PTPRM: variants seen among roughly 807,000 people sequenced by gnomAD.
PTPRM encodes protein tyrosine phosphatase receptor type M.
A neutral mutation model predicts 186.7 loss-of-function variants in PTPRM; 47 were observed. The ratio of observed to expected loss-of-function variants is 0.25; its 90% CI spans 0.20 to 0.32. The LOEUF (loss-of-function observed/expected upper bound fraction) is 0.32, where lower values mean the gene tolerates loss of function less well. Among genes scored for constraint, PTPRM ranks in the 10% least tolerant of loss-of-function variants. The pLI, the probability that PTPRM is intolerant of heterozygous loss-of-function variation, is 1.00. For synonymous variants in PTPRM, 668 were observed against 674.9 expected (o/e 0.99, Z 0.16); for missense variants, 1,494 against 1,865.0 (o/e 0.80, Z 3.66).
intron 19 of PTPRM, among the ~76,000 whole-genome samples, chr18:8,277,110 T>C (rs1474660149): frequency 3.9e-5 from 6 of 152,182 alleles, no homozygotes; most frequent in Admixed American, 3.9e-4. Flanking sequence ...CTAATTTTTC[T>C]ATTTTTAGTA....
At chr18:8,076,898 T>G (rs945364794) in intron 9 of PTPRM, among the ~76,000 whole-genome samples, 3 of 152,202 alleles carry the variant, frequency 2.0e-5, no homozygotes, top group Non-Finnish European at 4.4e-5. Context: ...CAGAATTCTA[T>G]TCTTGCTTAG....
chr18:8,221,469 A>G (rs1410249653), intron 14 of PTPRM, among the ~76,000 whole-genome samples: 1 of 152,246 alleles, frequency 6.6e-6, no homozygotes, highest in Non-Finnish European at 1.5e-5. Flanking sequence ...AGGAAAAATG[A>G]TTAGTGAATC....
rs533748333 is a variant in PTPRM at position 7,725,737 on chromosome 18, C to T, written c.74-48412C>T. Reference sequence around the variant, plus strand: ...ACTCCAAGGGAACATTACCTTCCTGCCCTGTCCCTTTTTCATCTCCCCTTC... The same window carrying T: ...ACTCCAAGGGAACATTACCTTCCTGTCCTGTCCCTTTTTCATCTCCCCTTC... On this transcript the variant is annotated intron_variant, in intron 1 of 32. Coordinates refer to ENST00000580170, the MANE Select transcript of PTPRM (RefSeq NM_001105244.2). Among the ~76,000 whole-genome samples the T allele has an allele frequency of 2.0e-5, 3 of 152,200 alleles. No individual in the cohort carries two copies. The South Asian group carries it at 6.2e-4, about 32-fold the overall frequency.
In PTPRM at chr18:7,568,736, A is replaced by G. The variant is rs1019458708; in HGVS notation, c.73+845A>G. On this transcript the variant is annotated intron_variant, in intron 1 of 32. Transcript: ENST00000580170. This position sits in a 1 kb window ranked among gnomAD's most constrained non-coding sequence, Gnocchi z 5.1. Reference sequence around the variant, plus strand: ...TGAGTGTGTGCGCGTGTGTGCCTGCACGCGCGCGCGGGGGCGTTCTAAGCC... The same window carrying G: ...TGAGTGTGTGCGCGTGTGTGCCTGCGCGCGCGCGCGGGGGCGTTCTAAGCC... Among the ~76,000 whole-genome samples the G allele has an allele frequency of 4.6e-5, 7 of 152,108 alleles. No individual in the cohort carries two copies. The highest frequency in any genetic ancestry group is 1.7e-4 in the African/African-American group (7 of 41,436).
chr18:8,243,146 T>G (rs2147287467), intron 14 of PTPRM, among the ~76,000 whole-genome samples: 1 of 152,334 alleles, frequency 6.6e-6, no homozygotes, highest in Middle Eastern at 3.4e-3. Context: ...TTAGTTTCCC[T>G]TTAAGTCTTC....
intron 1 of PTPRM, among the ~76,000 whole-genome samples, chr18:7,595,679 C>G (rs936889628): frequency 1.3e-5 from 2 of 152,184 alleles, no homozygotes; most frequent in South Asian, 4.1e-4. Flanking sequence ...AGTAATGTTA[C>G]TCTATCTGCA....
intron 7 of PTPRM, among the ~76,000 whole-genome samples, chr18:8,024,619 ATC>A (rs1246942741): frequency 6.6e-6 from 1 of 151,292 alleles, no homozygotes; most frequent in Non-Finnish European, 1.5e-5. Flanking sequence ...GTTTCTGCAA[ATC>A]TCTCTCTTAC....
intron 19 of PTPRM, among the ~76,000 whole-genome samples, chr18:8,294,377 G>A (rs2147864770): frequency 6.6e-6 from 1 of 152,310 alleles, no homozygotes; most frequent in Middle Eastern, 3.4e-3. Flanking sequence ...AGAAGGGGAA[G>A]CAAACACGTC....
At chr18:8,159,605 T>A (rs1455957384) in intron 14 of PTPRM, among the ~76,000 whole-genome samples, 1 of 152,210 alleles carries the variant, frequency 6.6e-6, no homozygotes, top group East Asian at 1.9e-4. Context: ...TTTGGACACC[T>A]GGGATTTAGT....
intron 10 of PTPRM, 126 bp downstream of exon 10, chr18:8,085,998 C>G: frequency 1.1e-6 from 1 of 879,952 alleles, no homozygotes; most frequent in South Asian, 1.6e-5. Flanking sequence ...TCCTGGATGC[C>G]TGAAGCTCAG....
intron 22 of PTPRM, among the ~76,000 whole-genome samples, chr18:8,330,102 C>T (rs1471707146): frequency 6.6e-6 from 1 of 152,150 alleles, no homozygotes; most frequent in Non-Finnish European, 1.5e-5. Context: ...TGCACCCAAC[C>T]TAGGAACTTC....
In PTPRM at chr18:7,928,201, C is replaced by T. The variant is rs60487823; in HGVS notation, c.663+1518C>T. Among the ~76,000 whole-genome samples the T allele has an allele frequency of 2.4e-3, 367 of 152,294 alleles. 7 individuals are homozygous for T. In the East Asian group the frequency reaches 0.056, roughly 23 times the overall value. ...TGTTCCACCCCTCTGCCCAGTGTCA[C>T]TCTGTTTTTTCATACCCTACTGTCC... On this transcript the variant is annotated intron_variant, in intron 5 of 32. Transcript: ENST00000580170.
chr18:8,398,008 C>G (rs1008664731), intron 32 of PTPRM, among the ~76,000 whole-genome samples: 1 of 152,170 alleles, frequency 6.6e-6, no homozygotes, highest in Non-Finnish European at 1.5e-5. Context: ...CAGGTAATTA[C>G]ACACTTTAAT....
rs537415323 is a variant in PTPRM at position 7,723,909 on chromosome 18, A to C, written c.74-50240A>C. On this transcript the variant is annotated intron_variant, in intron 1 of 32. Transcript: ENST00000580170. ...TTCCTTGTTACAAGTTCTGCTTCTG[A>C]AGCTTCCTTACAAATATCTTTCAGT... 2.6e-5 allele frequency among the ~76,000 whole-genome samples: 4 copies of C among 152,234 alleles called. No homozygotes were observed. In the South Asian group the frequency reaches 8.3e-4, roughly 32 times the overall value.
intron 1 of PTPRM, among the ~76,000 whole-genome samples, chr18:7,752,949 C>A (rs1436889833): frequency 6.6e-6 from 1 of 151,826 alleles, no homozygotes; most frequent in Non-Finnish European, 1.5e-5. Flanking sequence ...TCTGTCTAAC[C>A]CCTCTTTAAA....
chr18:7,917,329 C>G (rs1054169463), intron 4 of PTPRM, among the ~76,000 whole-genome samples: 1 of 152,112 alleles, frequency 6.6e-6, no homozygotes, highest in African/African-American at 2.4e-5. Context: ...GTCAGGAGAT[C>G]GTGACCATCC....
At chr18:7,714,971 A>G (rs928157847) in intron 1 of PTPRM, among the ~76,000 whole-genome samples, 10 of 152,238 alleles carry the variant, frequency 6.6e-5, no homozygotes, top group South Asian at 2.1e-4. Context: ...TATTCCAAAC[A>G]ATAGAAAAAG....
chr18:7,713,929 A>G (rs2040266656), intron 1 of PTPRM, among the ~76,000 whole-genome samples: 2 of 152,228 alleles, frequency 1.3e-5, no homozygotes, highest in Admixed American at 1.3e-4. Context: ...TAATAGTGGG[A>G]GACTTTAACA....
At chr18:8,358,740 A>G (rs1230969940) in intron 23 of PTPRM, among the ~76,000 whole-genome samples, 1 of 152,250 alleles carries the variant, frequency 6.6e-6, no homozygotes, top group African/African-American at 2.4e-5. Context: ...CTTCCCTGCC[A>G]GACCATAGGC....
Sources: allele counts gnomAD v4.1 joint callset (sites outside exome capture counted in the v4.1 genomes callset), GRCh38; gene constraint gnomAD v4.1.1; non-coding constraint Gnocchi (gnomAD v3.1); transcripts MANE v1.5; gene names NCBI Gene and HGNC (gene_info 2026-07-23, HGNC 2026-07-21).